ARHGEF28: variants seen among roughly 807,000 people sequenced by gnomAD.
ARHGEF28 encodes 190 kDa guanine nucleotide exchange factor.
In ARHGEF28, 152 loss-of-function variants were observed where a neutral mutation model predicts 206.6. That is an observed-to-expected ratio of 0.74 (90% confidence interval 0.64 to 0.84). The LOEUF (loss-of-function observed/expected upper bound fraction) is 0.84, where lower values mean the gene tolerates loss of function less well. ARHGEF28 is among the 40% of genes least tolerant of loss of function. ARHGEF28 has a pLI of 0.00. For missense variants in ARHGEF28, 2,028 were observed against 2,073.2 expected (o/e 0.98, Z 0.42); for synonymous variants, 763 against 776.4 (o/e 0.98, Z 0.29).
intron 2 of ARHGEF28, among the ~76,000 whole-genome samples, chr5:73,742,514 A>G (rs1316737989): frequency 1.3e-5 from 2 of 151,878 alleles, no homozygotes; most frequent in African/African-American, 2.4e-5. Flanking sequence ...TATATTTAAT[A>G]TATTATAAAT....
intron 4 of ARHGEF28, among the ~76,000 whole-genome samples, chr5:73,766,232 C>T (rs189416909): frequency 8.4e-4 from 128 of 152,112 alleles, no homozygotes; most frequent in Non-Finnish European, 1.6e-3. Flanking sequence ...TCAATGGCTC[C>T]ACTCAGGTGT....
chr5:73,805,629 T>C (rs988852727), intron 9 of ARHGEF28, among the ~76,000 whole-genome samples: 1 of 151,950 alleles, frequency 6.6e-6, no homozygotes, highest in Non-Finnish European at 1.5e-5. Context: ...CCTGTTGGAG[T>C]GGGTGCTTAC....
At chr5:73,811,980 C>CAA (rs11337063) in intron 9 of ARHGEF28, among the ~76,000 whole-genome samples, 137 of 114,478 alleles carry the variant, frequency 1.2e-3, no homozygotes, top group African/African-American at 3.9e-3. Context: ...GAGCCTGTCT[C>CAA]AAAAAAAAAA....
In ARHGEF28 at chr5:73,883,728, A is replaced by G. The variant is rs988257181; in HGVS notation, c.2938-39A>G. ...ACATTCACACCTGAAAAGTAAATACAGGTAGAATTTGTGTACATAAAAGTA... is the reference window on the plus strand; with the variant it reads ...ACATTCACACCTGAAAAGTAAATACGGGTAGAATTTGTGTACATAAAAGTA... On this transcript the variant is annotated intron_variant, in intron 23 of 35. Transcript: ENST00000513042. The G allele has an allele frequency of 2.3e-6, 3 of 1,332,850 alleles. No individual in the cohort carries two copies. The African/African-American group carries it at 4.5e-5, about 20-fold the overall frequency. 82.6% of individuals were successfully genotyped at this position (1,332,850 alleles called of 1,614,324 possible).
intron 33 of ARHGEF28, among the ~76,000 whole-genome samples, chr5:73,907,761 A>T (rs1762634411): frequency 6.6e-6 from 1 of 152,236 alleles, no homozygotes; most frequent in African/African-American, 2.4e-5. Flanking sequence ...TTAAATGAAT[A>T]TTTAAATTTA....
intron 35 of ARHGEF28, among the ~76,000 whole-genome samples, chr5:73,940,261 C>T (rs1002785005): frequency 6.6e-6 from 1 of 152,206 alleles, no homozygotes; most frequent in Non-Finnish European, 1.5e-5. Flanking sequence ...CCAGTCAGAG[C>T]TGAAACTGGC....
chr5:73,644,538 C>T (rs139167767), intron 1 of ARHGEF28, among the ~76,000 whole-genome samples: 16 of 152,356 alleles, frequency 1.1e-4, no homozygotes, highest in African/African-American at 3.8e-4. Flanking sequence ...TGATAATCTT[C>T]AGTCCTCATG....
At chr5:73,789,580 A>AT (rs1561405140) in intron 7 of ARHGEF28, among the ~76,000 whole-genome samples, 1 of 152,222 alleles carries the variant, frequency 6.6e-6, no homozygotes, top group East Asian at 1.9e-4. Flanking sequence ...TTATACCTTA[A>AT]TAAAGCTGTC....
chr5:73,869,950 A>C, intron 20 of ARHGEF28, 119 bp from the exon 21 acceptor site: 1 of 1,195,110 alleles, frequency 8.4e-7, no homozygotes, highest in Non-Finnish European at 1.2e-6. Context: ...GTTTTGGTTT[A>C]GTAGTTTCCA....
chr5:73,898,716 A>G (rs1050246489), intron 30 of ARHGEF28: 5 of 152,146 alleles, frequency 3.3e-5, no homozygotes, highest in Non-Finnish European at 7.3e-5. Flanking sequence ...CATTTTAAAT[A>G]TAAAAAAAAA....
intron 6 of ARHGEF28, among the ~76,000 whole-genome samples, chr5:73,779,209 T>C (rs150049440): frequency 1.1e-3 from 164 of 152,294 alleles, no homozygotes; most frequent in African/African-American, 3.7e-3. Context: ...AAATGGAAGG[T>C]GGTGCTAAAT....
Position 73,858,156 on chromosome 5 carries a change from G to A in ARHGEF28, c.1984G>A (p.Gly662Arg). 2 of 1,612,258 alleles carry A rather than the reference G, an allele frequency of 1.2e-6. No individual in the cohort carries two copies. The highest frequency in any genetic ancestry group is 8.5e-7 in the Non-Finnish European group (1 of 1,179,364). The change falls in exon 16 of 36, where the codon GGG (glycine) becomes AGG (arginine). Residue 662 changes from glycine (G) to arginine (R), a missense_variant. Physicochemically the swap from Gly to Arg is moderately radical, Grantham distance 125. This residue lies in a region of ARHGEF28 where 1,002 missense variants were observed against 1,015.3 expected (regional missense o/e 0.99). Coordinates refer to ENST00000513042, the MANE Select transcript of ARHGEF28 (RefSeq NM_001177693.2). Reference sequence around the variant, plus strand: ...TCAGTTTGCCCCAGGAACATTCTCTGGGGTTCTGCAGTGTTTGGTTTGTGA... The same window carrying A: ...TCAGTTTGCCCCAGGAACATTCTCTAGGGTTCTGCAGTGTTTGGTTTGTGA... ...RHQFAPGTFS[G>R]VLQCLVCDKT...
Position 73,765,599 on chromosome 5 carries a change from G to A in ARHGEF28, c.476-8256G>A, listed in dbSNP as rs376752398. ...TGGTTTATTGAGATATAATTCCATCGTAAGTCAAAGAGTATCTGTATTTTA... is the reference window on the plus strand; with the variant it reads ...TGGTTTATTGAGATATAATTCCATCATAAGTCAAAGAGTATCTGTATTTTA... On this transcript the variant is annotated intron_variant, in intron 4 of 35. Coordinates refer to ENST00000513042, the MANE Select transcript of ARHGEF28 (RefSeq NM_001177693.2). Among the ~76,000 whole-genome samples, 47 of 152,208 alleles carry A rather than the reference G, an allele frequency of 3.1e-4. 1 individual carries two copies. In the Middle Eastern group the frequency reaches 0.01, roughly 33 times the overall value.
chr5:73,852,166 A>T (rs966167211), intron 13 of ARHGEF28, among the ~76,000 whole-genome samples: 1 of 152,220 alleles, frequency 6.6e-6, no homozygotes, highest in Admixed American at 6.5e-5. Flanking sequence ...CACATCTCTG[A>T]ACTTGCTGCT....
chr5:73,733,103 C>T (rs999681613), intron 2 of ARHGEF28, among the ~76,000 whole-genome samples: 3 of 152,164 alleles, frequency 2.0e-5, no homozygotes, highest in Admixed American at 2.0e-4. Flanking sequence ...AAGCAGTGTA[C>T]ACTTTACCCA....
intron 35 of ARHGEF28, among the ~76,000 whole-genome samples, chr5:73,931,623 A>G (rs532148977): frequency 3.3e-4 from 51 of 152,282 alleles, no homozygotes; most frequent in African/African-American, 1.1e-3. Flanking sequence ...ACTAGCTAGC[A>G]TACTGAAAAT....
intron 4 of ARHGEF28, among the ~76,000 whole-genome samples, chr5:73,769,497 A>T (rs6860310): frequency 0.027 from 4,182 of 152,246 alleles, 184 homozygotes; most frequent in African/African-American, 0.096. Flanking sequence ...TTCCCTTTTG[A>T]CATTATATTC....
At chr5:73,932,887 C>T (rs534006455) in intron 35 of ARHGEF28, among the ~76,000 whole-genome samples, 45 of 136,610 alleles carry the variant, frequency 3.3e-4, no homozygotes, top group African/African-American at 1.2e-3. Context: ...CGGCTCACTG[C>T]AAGCTGCGCC....
intron 9 of ARHGEF28, among the ~76,000 whole-genome samples, chr5:73,807,785 TCAA>T (rs1198600214): frequency 1.3e-5 from 2 of 151,944 alleles, no homozygotes; most frequent in Non-Finnish European, 2.9e-5. Flanking sequence ...CACGTCTGGC[TCAA>T]CAATATAATT....
Sources: gnomAD v4.1 joint callset for allele counts (sites outside exome capture counted in the v4.1 genomes callset) on GRCh38, gnomAD v4.1.1 for gene constraint, gnomAD v4.1.1 regional missense constraint, MANE v1.5 for transcripts, NCBI Gene and HGNC (gene_info 2026-07-23, HGNC 2026-07-21) for gene names.